RNF44: variants seen among roughly 807,000 people sequenced by gnomAD.
The protein encoded by RNF44 is ring finger protein 44.
Under a neutral mutation model 53.6 loss-of-function variants are expected in RNF44, and 25 were observed. That is an observed-to-expected ratio of 0.47 (90% CI 0.34 to 0.65). The LOEUF is 0.65. RNF44 is among the 30% of genes least tolerant of loss of function. The pLI is 0.01. For synonymous variants in RNF44, 282 were observed against 252.2 expected (o/e 1.12, Z -1.12); for missense variants, 581 against 595.5 (o/e 0.98, Z 0.25).
At chr5:176,538,327 A>C (rs1307480377), upstream of RNF44, among the ~76,000 whole-genome samples, 1 of 152,142 alleles carries the variant, frequency 6.6e-6, no homozygotes, top group Non-Finnish European at 1.5e-5. Flanking sequence ...CAGATGGGGA[A>C]AGTGAGGGCC....
intron 1 of RNF44, among the ~76,000 whole-genome samples, chr5:176,532,742 C>A (rs1198110057): frequency 1.3e-4 from 1 of 7,718 alleles, no homozygotes; most frequent in African/African-American, 3.8e-4. Flanking sequence ...GCGAGACTCC[C>A]GTCTCAAAAA....
At chr5:176,530,308 CCGGAGCCCAGG>C (rs1756474448) in intron 6 of RNF44, 102 bp from the exon 7 acceptor site, 1 of 200,982 alleles carries the variant, frequency 5.0e-6, no homozygotes, top group Admixed American at 1.5e-4. Flanking sequence ...CCCAGCCGCC[CCGGAGCCCAGG>C]TGCAAGTCAG....
At position 176,532,152 on chromosome 5, in the gene RNF44, T is replaced by C. The variant is rs375985746; in HGVS notation, c.149A>G (p.Asp50Gly). The C allele has an allele frequency of 2.0e-4, 306 of 1,563,968 alleles. No homozygotes were observed. Among genetic ancestry groups the C allele is most frequent in the Non-Finnish European group, 2.6e-4 (298 of 1,157,656 alleles). Reference sequence around the variant, plus strand: ...CGGCTGCTGGGAGGGTAAGCGCTCATCCCGGGCAGGCGGGCTGGCCAGGGG... The same window carrying C: ...CGGCTGCTGGGAGGGTAAGCGCTCACCCCGGGCAGGCGGGCTGGCCAGGGG... ...EGPLASPPAR[D>G]ERLPSQQPPS... The change falls in exon 3 of 11, where the codon GAT (aspartate) becomes GGT (glycine). Residue 50 changes from aspartate to glycine, a missense_variant. Transcript: ENST00000274811.
Position 176,529,506 on chromosome 5 carries a change from T to C in RNF44, c.1136+17A>G. 4 of 1,613,048 alleles carry C rather than the reference T, an allele frequency of 2.5e-6. No homozygotes were observed. Among genetic ancestry groups the C allele is most frequent in the Non-Finnish European group, 3.4e-6 (4 of 1,179,724 alleles). The stretch of plus-strand genomic sequence containing the variant: ...CAGCTGTGTTCAGAGGGGTGGGAGG[T>C]GGGGCAGGGTACTCACAGCGTCTGC... On this transcript the variant is annotated intron_variant, in intron 9 of 10. Coordinates refer to ENST00000274811, the MANE Select transcript of RNF44 (RefSeq NM_014901.5).
intron 1 of RNF44, among the ~76,000 whole-genome samples, chr5:176,533,285 C>A (rs1003254928): frequency 2.0e-5 from 3 of 152,222 alleles, no homozygotes; most frequent in African/African-American, 7.2e-5. Context: ...TCGGGGGCTT[C>A]CAGTCCAAAG....
rs201966448 is a variant in RNF44 at position 176,529,622 on chromosome 5, C to T, written c.1037G>A (p.Arg346Gln). ...ACCCCGGGGCTTGGCATCTCCCAGC[C>T]GCTCGGCCAGGTTCAGGAGGGCCTG... ...NYEALLNLAE[R>Q]LGDAKPRGLT... The change falls in exon 9 of 11, where the codon CGG (arginine) becomes CAG (glutamine). Residue 346 changes from arginine (R) to glutamine (Q), a missense_variant. Coordinates refer to ENST00000274811, the MANE Select transcript of RNF44 (RefSeq NM_014901.5). The T allele has an allele frequency of 9.5e-5, 153 of 1,613,818 alleles. No homozygotes were observed. Among genetic ancestry groups the T allele is most frequent in the Non-Finnish European group, 1.1e-4 (128 of 1,180,006 alleles).
Position 176,531,239 on chromosome 5 carries a change from C to T in RNF44, c.466-218G>A, listed in dbSNP as rs1459185968. Among the ~76,000 whole-genome samples the T allele has an allele frequency of 6.6e-6, 1 of 152,244 alleles. No homozygotes were observed. Among genetic ancestry groups the T allele is most frequent in the Non-Finnish European group, 1.5e-5 (1 of 68,036 alleles). ...CCTCAACTCCTGGGCCTCTGCCAAGCTGTGAGGCAGGTACAGGGGTACTGG... is the reference window on the plus strand; with the variant it reads ...CCTCAACTCCTGGGCCTCTGCCAAGTTGTGAGGCAGGTACAGGGGTACTGG... On this transcript the variant is annotated intron_variant, in intron 4 of 10. Transcript: ENST00000274811. This position sits in a 1 kb window ranked among gnomAD's most constrained non-coding sequence, Gnocchi z 4.2.
At chr5:176,540,551 A>AT (rs997208753), upstream of RNF44, among the ~76,000 whole-genome samples, 10 of 152,120 alleles carry the variant, frequency 6.6e-5, no homozygotes, top group Non-Finnish European at 1.2e-4. Context: ...CAGTGTTAGG[A>AT]TTACCATCAC....
chr5:176,529,704 A>G (rs547470541), intron 8 of RNF44, 27 bp downstream of exon 8: 28 of 1,609,488 alleles, frequency 1.7e-5, no homozygotes, highest in Non-Finnish European at 2.2e-5. Context: ...CCCAAACCCC[A>G]CCTCCCAGCA....
chr5:176,532,425 G>A lies in RNF44; in HGVS notation c.48C>T (p.Pro16=), dbSNP rs781565141. 1.9e-5 allele frequency: 30 copies of A among 1,607,508 alleles called. No homozygotes were observed. Among genetic ancestry groups the A allele is most frequent in the South Asian group, 6.6e-5 (6 of 90,882 alleles). ...LAVTRWPPSA[P]VGQRRFSAGP... is the part of the protein sequence containing the mutation. ...CCGCAGAGAATCGCCGCTGGCCCAC[G>A]GGGGCGGAGGGTGGCCACCTAGTCA... Residue 16 remains proline (P), a synonymous_variant, in exon 2 of 11, where the codon CCC becomes CCT. Coordinates refer to ENST00000274811, the MANE Select transcript of RNF44 (RefSeq NM_014901.5).
chr5:176,531,377 T>C lies in RNF44; in HGVS notation c.465+86A>G. On this transcript the variant is annotated intron_variant, in intron 4 of 10. Transcript: ENST00000274811. This position sits in a 1 kb window ranked among gnomAD's most constrained non-coding sequence, Gnocchi z 4.2. The stretch of plus-strand genomic sequence containing the variant: ...TGGATGGCTGGATAGCTCAGCCCAG[T>C]TCAGGGCTGCCCTGGGCCCGCTGAG... 1.5e-6 allele frequency: 2 copies of C among 1,357,064 alleles called. No homozygotes were observed. The highest frequency in any genetic ancestry group is 2.0e-6 in the Non-Finnish European group (2 of 1,001,194). 84.1% of individuals were successfully genotyped at this position (1,357,064 alleles called of 1,614,324 possible).
Position 176,531,202 on chromosome 5 carries a change from T to TA in RNF44, c.466-182dup, listed in dbSNP as rs1756625040. On this transcript the variant is annotated intron_variant, in intron 4 of 10. Coordinates refer to ENST00000274811, the MANE Select transcript of RNF44 (RefSeq NM_014901.5). This position sits in a 1 kb window ranked among gnomAD's most constrained non-coding sequence, Gnocchi z 4.2. The stretch of plus-strand genomic sequence containing the variant: ...CCACCCAGGCAGGACACTCCACTGT[T>TA]AAGGCCCACAGCCTCAACTCCTGGG... Among the ~76,000 whole-genome samples, 1 of 152,192 alleles carries TA rather than the reference T, an allele frequency of 6.6e-6. No individual in the cohort carries two copies. Among genetic ancestry groups the TA allele is most frequent in the South Asian group, 2.1e-4 (1 of 4,836 alleles).
At chr5:176,535,785 G>C (rs1187793380) in intron 1 of RNF44, among the ~76,000 whole-genome samples, 1 of 152,190 alleles carries the variant, frequency 6.6e-6, no homozygotes, top group East Asian at 1.9e-4. Context: ...CAAATAGCAA[G>C]GGTGGCCAGG....
upstream of RNF44, among the ~76,000 whole-genome samples, chr5:176,541,115 G>A (rs537904710): frequency 2.0e-5 from 3 of 152,254 alleles, no homozygotes; most frequent in South Asian, 4.1e-4. Flanking sequence ...GCAGACCCTC[G>A]CCACAGAGCC....
At position 176,528,740 on chromosome 5, in the gene RNF44, A is replaced by G. The variant is rs1756271080; in HGVS notation, c.*288T>C. 8.2e-6 allele frequency: 4 copies of G among 489,702 alleles called. No individual in the cohort carries two copies. Among genetic ancestry groups the G allele is most frequent in the Admixed American group, 7.5e-5 (2 of 26,672 alleles). 30.3% of individuals were successfully genotyped at this position (489,702 alleles called of 1,614,324 possible). On this transcript the variant is annotated 3_prime_UTR_variant, in exon 11 of 11. Transcript: ENST00000274811. ...CCCCTGGCACTCAGTGCCAGCAGGA[A>G]AAGGAGGGACCTGAGGGTGCACAGG...
chr5:176,543,036 G>A, the RNF44 span, among the ~76,000 whole-genome samples: 4 of 152,020 alleles, frequency 2.6e-5, no homozygotes, highest in African/African-American at 9.7e-5. This position sits in a 1 kb window ranked among gnomAD's most constrained non-coding sequence, Gnocchi z 4.0. Context: ...AGTTCCCCGG[G>A]GCTCCCCGAG....
chr5:176,533,563 T>C (rs1036110112), intron 1 of RNF44, among the ~76,000 whole-genome samples: 8 of 152,132 alleles, frequency 5.3e-5, no homozygotes, highest in African/African-American at 1.7e-4. Flanking sequence ...CTGGGGAGAC[T>C]GTGGAGTCTG....
upstream of RNF44, chr5:176,537,659 TCG>T (rs1757319231): frequency 6.6e-6 from 1 of 152,114 alleles, no homozygotes; most frequent in South Asian, 2.1e-4. Flanking sequence ...CGCTAACTAC[TCG>T]CGCCTCTGAG....
chr5:176,541,067 T>C (rs1269543459), upstream of RNF44, among the ~76,000 whole-genome samples: 1 of 152,182 alleles, frequency 6.6e-6, no homozygotes, highest in East Asian at 1.9e-4. Flanking sequence ...TCGTTTACTT[T>C]CATCGCACAG....
Sources: gnomAD v4.1 joint callset for allele counts (sites outside exome capture counted in the v4.1 genomes callset) on GRCh38, gnomAD v4.1.1 for gene constraint, Gnocchi (gnomAD v3.1) non-coding constraint, MANE v1.5 for transcripts, NCBI Gene and HGNC (gene_info 2026-07-23, HGNC 2026-07-21) for gene names.